The following MAP4 variants were observed in gnomAD, a reference collection of about 807,000 sequenced individuals.
MAP4 encodes the protein microtubule associated protein 4.
In MAP4, 76 loss-of-function variants were observed where a neutral mutation model predicts 170.2. The ratio of observed to expected loss-of-function variants is 0.45; its 90% CI spans 0.37 to 0.54. The LOEUF (loss-of-function observed/expected upper bound fraction) is 0.54, where lower values mean the gene tolerates loss of function less well. Ranked by LOEUF, MAP4 falls within the 20% of genes least tolerant of loss-of-function variation. The pLI, the probability that MAP4 is intolerant of heterozygous loss-of-function variation, is 0.00. For synonymous variants in MAP4, 909 were observed against 994.5 expected (o/e 0.91, Z 1.62); for missense variants, 2,506 against 2,748.0 (o/e 0.91, Z 1.97).
intron 1 of MAP4, among the ~76,000 whole-genome samples, chr3:48,045,634 A>G (rs1009743274): frequency 6.6e-6 from 1 of 152,238 alleles, no homozygotes; most frequent in African/African-American, 2.4e-5. Context: ...ACTAGAGAAC[A>G]TAGAAATATT....
In MAP4 at chr3:48,047,959, T is replaced by C. The variant is rs1258328283; in HGVS notation, c.-20+40814A>G. ...AAAATAAAGAGACAGAGAGAGATGT[T>C]TGGCACAGTGACACACAGCCTATAG... is the stretch of plus-strand genomic sequence containing the variant. On this transcript the variant is annotated intron_variant, in intron 1 of 18. Transcript: ENST00000360240. Among the ~76,000 whole-genome samples, 3 of 152,256 alleles carry C rather than the reference T, an allele frequency of 2.0e-5. No homozygotes were observed. The South Asian group carries it at 6.2e-4, about 32-fold the overall frequency.
intron 10 of MAP4, among the ~76,000 whole-genome samples, chr3:47,882,740 A>G (rs993733380): frequency 6.6e-6 from 1 of 151,854 alleles, no homozygotes; most frequent in Non-Finnish European, 1.5e-5. Context: ...ACACCCAGCT[A>G]TGTTTTACTA....
At chr3:47,972,392 T>C (rs2154247188) in intron 3 of MAP4, among the ~76,000 whole-genome samples, 1 of 152,314 alleles carries the variant, frequency 6.6e-6, no homozygotes, top group East Asian at 1.9e-4. Context: ...CTAAACTAAA[T>C]GTAGTGTTAG....
At chr3:47,928,116 T>C in intron 4 of MAP4, 112 bp downstream of exon 4, 1 of 1,295,788 alleles carries the variant, frequency 7.7e-7, no homozygotes, top group East Asian at 2.4e-5. Context: ...GCTAAGGTTG[T>C]ACTTTGTGAT....
intron 1 of MAP4, among the ~76,000 whole-genome samples, chr3:48,082,612 G>A (rs1471870597): frequency 1.3e-5 from 2 of 152,020 alleles, no homozygotes; most frequent in Admixed American, 6.6e-5. Flanking sequence ...GACCAGCCTG[G>A]GCAACATGGC....
intron 3 of MAP4, among the ~76,000 whole-genome samples, chr3:47,966,371 T>A (rs2100075046): frequency 6.7e-6 from 1 of 150,188 alleles, no homozygotes; most frequent in South Asian, 2.1e-4. Context: ...CTCAGCCTCC[T>A]GAGTAGCTGG....
chr3:47,987,139 G>A (rs553127987), intron 2 of MAP4, among the ~76,000 whole-genome samples: 10 of 152,028 alleles, frequency 6.6e-5, no homozygotes, highest in Non-Finnish European at 1.2e-4. Context: ...GATTCTCTCC[G>A]GTCACTTGTC....
chr3:48,084,245 A>G (rs1270509525), intron 1 of MAP4, among the ~76,000 whole-genome samples: 1 of 151,366 alleles, frequency 6.6e-6, no homozygotes, highest in Non-Finnish European at 1.5e-5. Flanking sequence ...AAGAATCACA[A>G]AAGTTAGCCA....
At chr3:47,963,620 A>G (rs901410089) in intron 3 of MAP4, among the ~76,000 whole-genome samples, 6 of 152,252 alleles carry the variant, frequency 3.9e-5, no homozygotes, top group African/African-American at 1.4e-4. Flanking sequence ...ATGTGAGGCC[A>G]GAAACAAATA....
intron 2 of MAP4, among the ~76,000 whole-genome samples, chr3:47,997,326 T>TAAAAAAAAAAAAAAA: frequency 2.3e-3 from 103 of 44,910 alleles, no homozygotes; most frequent in East Asian, 3.0e-3. Flanking sequence ...TTTAAACTGC[T>TAAAAAAAAAAAAAAA]AAAAAAAAAA....
intron 2 of MAP4, among the ~76,000 whole-genome samples, chr3:47,979,599 G>C (rs140422673): frequency 0.011 from 1,626 of 152,192 alleles, 29 homozygotes; most frequent in African/African-American, 0.037. Context: ...TGGGACTACA[G>C]GCACGTGCCA....
At chr3:47,915,219 T>A (rs1283859313) in intron 7 of MAP4, among the ~76,000 whole-genome samples, 15 of 151,760 alleles carry the variant, frequency 9.9e-5, no homozygotes, top group Admixed American at 9.9e-4. Flanking sequence ...CAGGTTCAAG[T>A]GATTCTCCTG....
At chr3:47,877,213 G>T in intron 11 of MAP4, 1 of 502,536 alleles carries the variant, frequency 2.0e-6, no homozygotes, top group Non-Finnish European at 3.6e-6. Flanking sequence ...TAAGATAATA[G>T]GGTCAAAGGC....
At chr3:48,085,759 T>C (rs2100148686) in intron 1 of MAP4, among the ~76,000 whole-genome samples, 1 of 152,052 alleles carries the variant, frequency 6.6e-6, no homozygotes, top group African/African-American at 2.4e-5. Context: ...CCATCTTTAC[T>C]AAAAATTCAA....
At chr3:47,987,357 A>G in intron 2 of MAP4, 1 of 1,512,446 alleles carries the variant, frequency 6.6e-7, no homozygotes, top group Non-Finnish European at 8.9e-7. Context: ...AGGAAAGAGG[A>G]AAGTTCAGGG....
chr3:47,976,269 AG>A (rs2100082119), intron 3 of MAP4, among the ~76,000 whole-genome samples: 1 of 152,206 alleles, frequency 6.6e-6, no homozygotes, highest in Admixed American at 6.5e-5. Context: ...TGAAACAGTG[AG>A]GGCCAGGATA....
chr3:47,875,685 C>T lies in MAP4; in HGVS notation c.5757G>A (p.Lys1919=). The T allele has an allele frequency of 6.2e-7, 1 of 1,611,978 alleles. No homozygotes were observed. Among genetic ancestry groups the T allele is most frequent in the Non-Finnish European group, 8.5e-7 (1 of 1,179,738 alleles). The change falls in exon 12 of 21, where the codon AAG becomes AAA. Residue 1919 remains lysine (K), a splice_region_variant and synonymous_variant. Transcript: ENST00000683076. The stretch of plus-strand genomic sequence containing the variant: ...GCACAGTAGTTAGGTGACCACTTAC[C>T]TTTGGCTTCACGTCTTTTGAAGGTA... ...SILPSKDVKP[K]PIADAKAPEK...
At chr3:47,891,956 T>C (rs757968618) in intron 10 of MAP4, 32 of 1,536,154 alleles carry the variant, frequency 2.1e-5, no homozygotes, top group Non-Finnish European at 2.8e-5. Flanking sequence ...ACTGGTTTCC[T>C]GCTCCTTAAC....
At chr3:48,060,047 A>T (rs747138218) in intron 1 of MAP4, among the ~76,000 whole-genome samples, 6 of 152,152 alleles carry the variant, frequency 3.9e-5, no homozygotes, top group Non-Finnish European at 5.9e-5. Flanking sequence ...ATCACATTTA[A>T]TATACATGGG....
Sources: gnomAD v4.1 joint callset for allele counts (sites outside exome capture counted in the v4.1 genomes callset) on GRCh38, gnomAD v4.1.1 for gene constraint, MANE v1.5 for transcripts, NCBI Gene and HGNC (gene_info 2026-07-23, HGNC 2026-07-21) for gene names.